CTNNA2: variants seen among roughly 807,000 people sequenced by gnomAD.
The protein encoded by CTNNA2 is catenin alpha 2.
CTNNA2 carries 42 observed loss-of-function variants against 101.0 expected under a neutral mutation model. The ratio of observed to expected loss-of-function variants is 0.42; its 90% confidence interval spans 0.32 to 0.54. The LOEUF (loss-of-function observed/expected upper bound fraction) is 0.54, where lower values mean the gene tolerates loss of function less well. Ranked by LOEUF, CTNNA2 falls within the 20% of genes least tolerant of loss-of-function variation. The pLI is 0.14. For synonymous variants in CTNNA2, 450 were observed against 456.4 expected (o/e 0.99, Z 0.18); for missense variants, 871 against 1,223.1 (o/e 0.71, Z 4.29).
Position 79,294,946 on chromosome 2 carries a change from T to A in CTNNA2, c.-405-17763T>A, listed in dbSNP as rs149079004. 1.8e-3 allele frequency among the ~76,000 whole-genome samples: 274 copies of A among 152,222 alleles called. 1 individual carries two copies. Among genetic ancestry groups the A allele is most frequent in the Admixed American group, 7.0e-3 (107 of 15,274 alleles). On this transcript the variant is annotated intron_variant, in intron 2 of 21. Coordinates refer to the CTNNA2 transcript ENST00000466387. ...TACTGATTTGCTATTGTATACAATG[T>A]CTTGATGAACAGATGCCTACAAACA...
At chr2:80,341,355 A>C (rs1310141666) in intron 7 of CTNNA2, among the ~76,000 whole-genome samples, 1 of 152,198 alleles carries the variant, frequency 6.6e-6, no homozygotes, top group Non-Finnish European at 1.5e-5. Context: ...TCATTAATAT[A>C]GAAAAGACGC....
intron 15 of CTNNA2, 150 bp downstream of exon 15, chr2:80,589,635 C>T: frequency 3.0e-6 from 2 of 671,544 alleles, no homozygotes; most frequent in South Asian, 4.7e-5. Flanking sequence ...TCAAAATGAT[C>T]TGCACTTAAT....
Position 80,624,069 on chromosome 2 carries a change from T to C in CTNNA2, c.2574+4841T>C, listed in dbSNP as rs114725108. Among the ~76,000 whole-genome samples the C allele has an allele frequency of 5.9e-3, 891 of 152,100 alleles. 8 individuals are homozygous for C. The highest frequency in any genetic ancestry group is 0.019 in the African/African-American group (800 of 41,534). Reference sequence around the variant, plus strand: ...ACATTCAAGAGACCATCCTTCATTTTTCTTTGTCATGCTCCAATACAAGGA... The same window carrying C: ...ACATTCAAGAGACCATCCTTCATTTCTCTTTGTCATGCTCCAATACAAGGA... On this transcript the variant is annotated intron_variant, in intron 18 of 18. Coordinates refer to ENST00000402739, the MANE Select transcript of CTNNA2 (RefSeq NM_001282597.3).
intron 7 of CTNNA2, among the ~76,000 whole-genome samples, chr2:80,225,471 A>G (rs1000296422): frequency 2.0e-5 from 3 of 152,200 alleles, no homozygotes; most frequent in African/African-American, 7.2e-5. Context: ...TTGGCCATAA[A>G]AAATGAAAGT....
rs1294391847 is a variant in CTNNA2 at position 80,000,733 on chromosome 2, C to T, written c.1056+90936C>T. ...ATTCTCCAAGCAAGGAAGAAGTTCTCTCTCTCTGTGCATGTCCTGAGTCAA... is the reference window on the plus strand; with the variant it reads ...ATTCTCCAAGCAAGGAAGAAGTTCTTTCTCTCTGTGCATGTCCTGAGTCAA... On this transcript the variant is annotated intron_variant, in intron 7 of 18. Transcript: ENST00000402739. 2.6e-5 allele frequency among the ~76,000 whole-genome samples: 4 copies of T among 152,200 alleles called. No individual in the cohort carries two copies. In the East Asian group the frequency reaches 7.7e-4, roughly 29 times the overall value.
chr2:80,364,556 A>ATTTTTTTTTTTTT (rs57073635), intron 7 of CTNNA2, among the ~76,000 whole-genome samples: 7 of 123,510 alleles, frequency 5.7e-5, no homozygotes, highest in East Asian at 2.5e-4. Context: ...AGAGAAAGTA[A>ATTTTTTTTTTTTT]TTTTTTTTTT....
intron 7 of CTNNA2, among the ~76,000 whole-genome samples, chr2:80,054,107 T>A (rs1051142388): frequency 3.9e-5 from 6 of 152,192 alleles, no homozygotes; most frequent in Admixed American, 3.9e-4. Flanking sequence ...AAGTACCTAT[T>A]CACTCTTTAC....
chr2:80,288,694 G>A (rs73938268), intron 7 of CTNNA2: 15,562 of 152,364 alleles, frequency 0.1, 981 homozygotes, highest in South Asian at 0.26. Context: ...GGAAGGGAGG[G>A]GAGGAAGCTT....
chr2:79,327,280 G>T (rs1032852054), intron 3 of CTNNA2, among the ~76,000 whole-genome samples: 2 of 152,182 alleles, frequency 1.3e-5, no homozygotes, highest in Non-Finnish European at 2.9e-5. Context: ...ATGGAGAAGA[G>T]TGACGATAAA....
At chr2:79,879,173 G>T (rs555347232) in intron 6 of CTNNA2, among the ~76,000 whole-genome samples, 12 of 151,796 alleles carry the variant, frequency 7.9e-5, no homozygotes, top group Non-Finnish European at 1.5e-4. Flanking sequence ...TGTTCCGTTG[G>T]TCTGTCTGTT....
chr2:80,622,691 A>T (rs556277374), intron 18 of CTNNA2, among the ~76,000 whole-genome samples: 1 of 151,882 alleles, frequency 6.6e-6, no homozygotes, highest in South Asian at 2.1e-4. Flanking sequence ...GTAGACTTGC[A>T]GAAGATTTGC....
intron 2 of CTNNA2, among the ~76,000 whole-genome samples, chr2:79,683,063 G>A (rs764587715): frequency 6.6e-6 from 1 of 152,152 alleles, no homozygotes; most frequent in African/African-American, 2.4e-5. Flanking sequence ...TTACAATTTG[G>A]TGATTGTGTT....
intron 8 of CTNNA2, among the ~76,000 whole-genome samples, chr2:80,413,130 GA>G (rs1418867292): frequency 6.6e-6 from 1 of 152,086 alleles, no homozygotes; most frequent in Admixed American, 6.5e-5. Context: ...CACTCACAGA[GA>G]AAAAAATCTA....
At chr2:80,161,632 A>G (rs1357718737) in intron 7 of CTNNA2, among the ~76,000 whole-genome samples, 1 of 152,184 alleles carries the variant, frequency 6.6e-6, no homozygotes, top group East Asian at 1.9e-4. Flanking sequence ...TTAACGTTTG[A>G]CTGACAGAAG....
chr2:79,991,367 T>C (rs866837624), intron 7 of CTNNA2, among the ~76,000 whole-genome samples: 2 of 152,240 alleles, frequency 1.3e-5, no homozygotes, highest in Middle Eastern at 6.8e-3. Context: ...CCCTTTTTTT[T>C]CCATGAGCTT....
intron 7 of CTNNA2, among the ~76,000 whole-genome samples, chr2:80,071,644 A>G: frequency 6.6e-6 from 1 of 152,224 alleles, no homozygotes; most frequent in East Asian, 1.9e-4. Flanking sequence ...CCTTACATCC[A>G]ATAAATCTGA....
chr2:79,800,987 A>G (rs1218234311), intron 3 of CTNNA2, among the ~76,000 whole-genome samples: 1 of 152,198 alleles, frequency 6.6e-6, no homozygotes, highest in Admixed American at 6.5e-5. Flanking sequence ...GGGGAGCTAC[A>G]AGGACATTTT....
chr2:80,445,324 G>A (rs1287335994), intron 9 of CTNNA2, among the ~76,000 whole-genome samples: 1 of 151,940 alleles, frequency 6.6e-6, no homozygotes, highest in Admixed American at 6.6e-5. Flanking sequence ...TGGGACTCTA[G>A]GTGTGCACCA....
chr2:79,622,380 A>C (rs1331129778), intron 1 of CTNNA2, among the ~76,000 whole-genome samples: 1 of 152,240 alleles, frequency 6.6e-6, no homozygotes, highest in African/African-American at 2.4e-5. Flanking sequence ...AACAGTGAAC[A>C]GATAAGGAAC....
Sources: allele counts gnomAD v4.1 joint callset (sites outside exome capture counted in the v4.1 genomes callset), GRCh38; gene constraint gnomAD v4.1.1; transcripts MANE v1.5; gene names NCBI Gene and HGNC (gene_info 2026-07-23, HGNC 2026-07-21).